SNX29: variants seen among roughly 807,000 people sequenced by gnomAD.
SNX29 encodes the protein sorting nexin 29, also known as sorting nexin-29.
In SNX29, 78 loss-of-function variants were observed where a neutral mutation model predicts 102.1. The ratio of observed to expected loss-of-function variants is 0.76; its 90% CI spans 0.64 to 0.92. The LOEUF (loss-of-function observed/expected upper bound fraction) is 0.92, where lower values mean the gene tolerates loss of function less well. Among genes scored for constraint, SNX29 ranks in the 40% least tolerant of loss-of-function variants. SNX29 has a pLI of 0.00. For synonymous variants in SNX29, 580 were observed against 414.5 expected, an observed-to-expected ratio of 1.40 and a Z score of -4.85; for missense variants, 1,280 against 1,061.7, an observed-to-expected ratio of 1.21 and a Z score of -2.86.
At chr16:12,245,259 C>G (rs1409224621) in intron 14 of SNX29, among the ~76,000 whole-genome samples, 5 of 152,126 alleles carry the variant, frequency 3.3e-5, no homozygotes, top group Non-Finnish European at 7.3e-5. Flanking sequence ...TTAACATCCC[C>G]CAGTCTCAGT....
chr16:12,551,176 C>T (rs1185324709), intron 20 of SNX29, among the ~76,000 whole-genome samples: 1 of 152,152 alleles, frequency 6.6e-6, no homozygotes, highest in Non-Finnish European at 1.5e-5. Flanking sequence ...TACCATCGTG[C>T]AGACTTCCCC....
At chr16:12,187,627 G>C (rs1245566907) in intron 13 of SNX29, among the ~76,000 whole-genome samples, 1 of 151,538 alleles carries the variant, frequency 6.6e-6, no homozygotes, top group African/African-American at 2.4e-5. Flanking sequence ...GGGGCCTGTC[G>C]GGAAACAATT....
chr16:12,129,896 A>G, intron 13 of SNX29, 138 bp downstream of exon 13: 1 of 1,030,734 alleles, frequency 9.7e-7, no homozygotes, highest in Non-Finnish European at 1.3e-6. Context: ...TAAGGTCAGG[A>G]GATCGAGACC....
At chr16:12,483,234 C>G (rs1296519018) in intron 19 of SNX29, among the ~76,000 whole-genome samples, 1 of 141,406 alleles carries the variant, frequency 7.1e-6, no homozygotes, top group African/African-American at 2.6e-5. Context: ...GTCTTGAACT[C>G]ATGACCTCAG....
At chr16:12,359,583 T>A (rs565219181) in intron 16 of SNX29, among the ~76,000 whole-genome samples, 5 of 152,290 alleles carry the variant, frequency 3.3e-5, no homozygotes, top group Admixed American at 3.3e-4. Flanking sequence ...ACTTTAAAAG[T>A]AGAAAATTTA....
chr16:12,535,770 G>A (rs1350126833), intron 20 of SNX29, among the ~76,000 whole-genome samples: 2 of 151,898 alleles, frequency 1.3e-5, no homozygotes, highest in Non-Finnish European at 2.9e-5. Flanking sequence ...TGTCTCCTCT[G>A]GAGGTCCTCA....
At chr16:12,553,778 G>C (rs900909617) in intron 20 of SNX29, among the ~76,000 whole-genome samples, 1 of 152,060 alleles carries the variant, frequency 6.6e-6, no homozygotes, top group Non-Finnish European at 1.5e-5. Flanking sequence ...AGTACAGACA[G>C]GGTTTCACCA....
intron 18 of SNX29, among the ~76,000 whole-genome samples, chr16:12,460,203 A>G (rs1017939445): frequency 6.6e-6 from 1 of 152,096 alleles, no homozygotes; most frequent in Non-Finnish European, 1.5e-5. Context: ...TCACCCAACC[A>G]CGGCTCGCAG....
At chr16:12,102,909 C>T (rs560868091) in intron 11 of SNX29, among the ~76,000 whole-genome samples, 1 of 152,226 alleles carries the variant, frequency 6.6e-6, no homozygotes, top group Admixed American at 6.5e-5. Context: ...CATTCCTATA[C>T]ACTAATAATA....
intron 13 of SNX29, among the ~76,000 whole-genome samples, chr16:12,190,459 A>G (rs1241249147): frequency 1.3e-5 from 2 of 152,204 alleles, no homozygotes; most frequent in Admixed American, 6.5e-5. Context: ...CGCTGGGGGC[A>G]GAGGAGGGAG....
At chr16:12,161,760 C>T (rs1346606586) in intron 13 of SNX29, among the ~76,000 whole-genome samples, 2 of 152,020 alleles carry the variant, frequency 1.3e-5, no homozygotes, top group Admixed American at 1.3e-4. Context: ...GCACTTCCAC[C>T]CTCCCTGCCC....
At chr16:12,308,140 G>A (rs2080400865) in intron 15 of SNX29, among the ~76,000 whole-genome samples, 1 of 152,236 alleles carries the variant, frequency 6.6e-6, no homozygotes, top group Non-Finnish European at 1.5e-5. Flanking sequence ...CATGGTCTCT[G>A]CTCTGAGGGT....
intron 4 of SNX29, among the ~76,000 whole-genome samples, chr16:12,040,978 T>A (rs1238862351): frequency 6.6e-6 from 1 of 151,952 alleles, no homozygotes; most frequent in Admixed American, 6.6e-5. Context: ...CACACCCAGC[T>A]TTTTTGTATT....
intron 13 of SNX29, among the ~76,000 whole-genome samples, chr16:12,151,626 C>T (rs1447533915): frequency 6.6e-6 from 1 of 152,192 alleles, no homozygotes; most frequent in Non-Finnish European, 1.5e-5. Context: ...CTTTTCAATT[C>T]CTCTGAAGAG....
chr16:12,531,816 C>A (rs1053286524), intron 20 of SNX29, among the ~76,000 whole-genome samples: 1 of 152,194 alleles, frequency 6.6e-6, no homozygotes, highest in African/African-American at 2.4e-5. Flanking sequence ...GCAGAGTGAA[C>A]GTCTTCTAGG....
At chr16:12,338,488 C>T (rs981114542) in intron 15 of SNX29, among the ~76,000 whole-genome samples, 3 of 152,210 alleles carry the variant, frequency 2.0e-5, no homozygotes, top group Non-Finnish European at 4.4e-5. Context: ...GCGTTGTGCA[C>T]AGGTTCCCAC....
intron 20 of SNX29, chr16:12,546,778 A>AAT (rs66463530): frequency 2.7e-5 from 1 of 37,280 alleles, no homozygotes; most frequent in African/African-American, 2.6e-4. Context: ...TCCATGCAAC[A>AAT]AAGGAAATTT....
chr16:12,492,070 G>A (rs1385143106), intron 19 of SNX29, among the ~76,000 whole-genome samples: 1 of 152,194 alleles, frequency 6.6e-6, no homozygotes, highest in Admixed American at 6.5e-5. Flanking sequence ...GGGTCAGATG[G>A]TATTTCCAGT....
chr16:12,228,296 C>T (rs1309308123), intron 14 of SNX29, among the ~76,000 whole-genome samples: 1 of 152,196 alleles, frequency 6.6e-6, no homozygotes, highest in Non-Finnish European at 1.5e-5. Flanking sequence ...CATCATTAAT[C>T]AAACAGGATA....
Sources: gnomAD v4.1 joint callset for allele counts (sites outside exome capture counted in the v4.1 genomes callset) on GRCh38, gnomAD v4.1.1 for gene constraint, MANE v1.5 for transcripts, NCBI Gene and HGNC (gene_info 2026-07-23, HGNC 2026-07-21) for gene names.